AK5: variants seen among roughly 807,000 people sequenced by gnomAD.
AK5 encodes the protein adenylate kinase 5, also known as adenylate kinase isoenzyme 5.
Under a neutral mutation model 69.5 loss-of-function variants are expected in AK5, and 27 were observed. The observed-to-expected ratio is 0.39, with a 90% CI of 0.29 to 0.54. AK5 has a LOEUF of 0.54. AK5 is among the 20% of genes least tolerant of loss of function. The probability of loss-of-function intolerance (pLI) is 0.71; values close to 1 mark genes in which losing one functional copy is unlikely to be tolerated. For missense variants in AK5, 531 were observed against 700.4 expected (o/e 0.76, Z 2.73); for synonymous variants, 260 against 244.4 (o/e 1.06, Z -0.60).
At chr1:77,404,017 C>T (rs550867131) in intron 6 of AK5, among the ~76,000 whole-genome samples, 33 of 152,188 alleles carry the variant, frequency 2.2e-4, no homozygotes, top group Admixed American at 7.2e-4. Flanking sequence ...CCTTCACATC[C>T]CTCGTAAGTT....
At chr1:77,425,024 A>T (rs559825218) in intron 8 of AK5, among the ~76,000 whole-genome samples, 7 of 152,336 alleles carry the variant, frequency 4.6e-5, no homozygotes, top group South Asian at 2.1e-4. Flanking sequence ...GCCAGATTTT[A>T]AAAATGCCTT....
At chr1:77,466,608 C>T (rs921043395) in intron 8 of AK5, among the ~76,000 whole-genome samples, 5 of 152,210 alleles carry the variant, frequency 3.3e-5, no homozygotes, top group Admixed American at 2.6e-4. Flanking sequence ...CAAAATACCA[C>T]AGACTGGGTG....
intron 6 of AK5, among the ~76,000 whole-genome samples, chr1:77,348,865 A>G (rs1045467710): frequency 1.3e-5 from 2 of 152,192 alleles, no homozygotes; most frequent in Non-Finnish European, 2.9e-5. Context: ...CAGACTTCAG[A>G]GTTAGGTCTT....
At chr1:77,367,253 ATT>A (rs1480512396) in intron 6 of AK5, among the ~76,000 whole-genome samples, 1 of 151,616 alleles carries the variant, frequency 6.6e-6, no homozygotes, top group Non-Finnish European at 1.5e-5. Flanking sequence ...ATTTTGGATA[ATT>A]TGCATATACA....
chr1:77,517,709 G>A (rs2647494), intron 10 of AK5, among the ~76,000 whole-genome samples: 150,715 of 152,306 alleles, frequency 0.99, 74,599 homozygotes, highest in East Asian at 1. Context: ...AAAAAATAAG[G>A]TAATAAAACA....
intron 12 of AK5, among the ~76,000 whole-genome samples, chr1:77,522,432 G>A (rs1197250709): frequency 6.6e-6 from 1 of 152,170 alleles, no homozygotes; most frequent in African/African-American, 2.4e-5. Context: ...GAGGACCAAG[G>A]AAGGATGGGA....
intron 8 of AK5, among the ~76,000 whole-genome samples, chr1:77,437,535 C>T (rs752404612): frequency 3.9e-5 from 6 of 152,122 alleles, no homozygotes; most frequent in Non-Finnish European, 7.4e-5. Flanking sequence ...TGGACCAAAG[C>T]TTTGGGTAAA....
chr1:77,319,318 T>C (rs1660403937), intron 5 of AK5, among the ~76,000 whole-genome samples: 1 of 152,206 alleles, frequency 6.6e-6, no homozygotes. Context: ...AACTGATTTA[T>C]ACATTTCAGA....
intron 6 of AK5, among the ~76,000 whole-genome samples, chr1:77,348,168 A>G (rs1248836409): frequency 6.6e-6 from 1 of 152,234 alleles, no homozygotes; most frequent in Non-Finnish European, 1.5e-5. Context: ...CAGAGTCTGA[A>G]GAGCCCCATG....
Position 77,471,642 on chromosome 1 carries a change from A to T in AK5, c.1060-11675A>T, listed in dbSNP as rs114999576. ...TGGGTCTTAAAGCCTATCCCCAAAGATATCCAATGCAAAGGAAGTATCTGT... is the reference window on the plus strand; with the variant it reads ...TGGGTCTTAAAGCCTATCCCCAAAGTTATCCAATGCAAAGGAAGTATCTGT... On this transcript the variant is annotated intron_variant, in intron 8 of 13. Coordinates refer to ENST00000354567, the MANE Select transcript of AK5 (RefSeq NM_174858.3). Among the ~76,000 whole-genome samples the T allele has an allele frequency of 5.5e-3, 840 of 152,322 alleles. 9 individuals carry two copies. Among genetic ancestry groups the T allele is most frequent in the African/African-American group, 0.019 (805 of 41,574 alleles).
intron 8 of AK5, among the ~76,000 whole-genome samples, chr1:77,464,090 C>A (rs549658102): frequency 7.9e-5 from 12 of 152,302 alleles, no homozygotes; most frequent in African/African-American, 2.6e-4. Context: ...TGTTGTAGCA[C>A]TTTTGCTTAG....
intron 5 of AK5, among the ~76,000 whole-genome samples, chr1:77,336,595 C>T (rs1307483771): frequency 6.6e-6 from 1 of 152,168 alleles, no homozygotes; most frequent in Admixed American, 6.5e-5. Context: ...AGCTTACACA[C>T]TACAGCTACA....
chr1:77,452,131 G>A lies in AK5; in HGVS notation c.1060-31186G>A, dbSNP rs899707411. On this transcript the variant is annotated intron_variant, in intron 8 of 13. Transcript: ENST00000354567. ...TTAATTTATTCTTTTTTATATCCCC[G>A]TAATCATCTTCCATTTTTCTCTCCT... 4.0e-5 allele frequency among the ~76,000 whole-genome samples: 6 copies of A among 151,840 alleles called. No individual in the cohort carries two copies. In the South Asian group the frequency reaches 6.3e-4, roughly 16 times the overall value.
intron 8 of AK5, among the ~76,000 whole-genome samples, chr1:77,463,378 C>G (rs777813414): frequency 6.6e-6 from 1 of 152,174 alleles, no homozygotes; most frequent in Non-Finnish European, 1.5e-5. Context: ...CAAGCACATA[C>G]TGAACATCTA....
At chr1:77,480,076 G>C (rs1173068919) in intron 8 of AK5, among the ~76,000 whole-genome samples, 9 of 151,998 alleles carry the variant, frequency 5.9e-5, no homozygotes, top group Admixed American at 2.6e-4. Flanking sequence ...GGGCTGTTTG[G>C]TATCTTTTTC....
chr1:77,445,748 C>G (rs1186439383), intron 8 of AK5, among the ~76,000 whole-genome samples: 1 of 152,038 alleles, frequency 6.6e-6, no homozygotes, highest in Non-Finnish European at 1.5e-5. Flanking sequence ...CCATACCCGG[C>G]TAATTTTTGT....
chr1:77,483,300 T>C lies in AK5; in HGVS notation c.1060-17T>C. 6.3e-7 allele frequency: 1 copy of C among 1,598,834 alleles called. No individual in the cohort carries two copies. Among genetic ancestry groups the C allele is most frequent in the Non-Finnish European group, 8.6e-7 (1 of 1,166,134 alleles). ...ACCTGCTGTTATTATTATCTAATAT[T>C]GTGATTTTTTTAACAGGGTGATGAC... On this transcript the variant is annotated splice_polypyrimidine_tract_variant and intron_variant, in intron 8 of 13. Transcript: ENST00000354567.
At chr1:77,518,800 C>A (rs1241943872) in intron 11 of AK5, 73 bp downstream of exon 11, 2 of 1,446,912 alleles carry the variant, frequency 1.4e-6, no homozygotes, top group Admixed American at 2.0e-5. Flanking sequence ...TGTAATGAAT[C>A]TGAGCTGCTG....
chr1:77,536,403 G>A lies in AK5; in HGVS notation c.1620+365G>A, dbSNP rs1389858767. Among the ~76,000 whole-genome samples the A allele has an allele frequency of 3.3e-5, 5 of 152,270 alleles. No homozygotes were observed. The East Asian group carries it at 9.7e-4, about 29-fold the overall frequency. On this transcript the variant is annotated intron_variant, in intron 13 of 13. Coordinates refer to ENST00000354567, the MANE Select transcript of AK5 (RefSeq NM_174858.3). ...CCAGAGGTGGAGGCTGTAGTGAGCT[G>A]AGATTGTGCCACTACACTCCAGCCT...
Sources: gnomAD v4.1 joint callset for allele counts (sites outside exome capture counted in the v4.1 genomes callset) on GRCh38, gnomAD v4.1.1 for gene constraint, MANE v1.5 for transcripts, NCBI Gene and HGNC (gene_info 2026-07-23, HGNC 2026-07-21) for gene names.